Variants in FGF10 observed in about 807,000 individuals in gnomAD.
FGF10 encodes the protein FGF-10.
FGF10 carries 2 observed loss-of-function variants against 19.8 expected under a neutral mutation model. That is an observed-to-expected ratio of 0.10 (90% CI 0.04 to 0.32). FGF10 has a LOEUF of 0.32. Ranked by LOEUF, FGF10 falls within the 10% of genes least tolerant of loss-of-function variation. The pLI is 1.00. For missense variants in FGF10, 191 were observed against 246.3 expected (o/e 0.78, Z 1.50); for synonymous variants, 112 against 94.0 (o/e 1.19, Z -1.10).
chr5:44,374,588 C>T (rs1238848591), intron 1 of FGF10, among the ~76,000 whole-genome samples: 1 of 152,102 alleles, frequency 6.6e-6, no homozygotes, highest in Admixed American at 6.5e-5. Flanking sequence ...AAGTAAATGA[C>T]CTGCTTAAGA....
chr5:44,372,133 T>C (rs1254754710), intron 1 of FGF10, among the ~76,000 whole-genome samples: 1 of 152,156 alleles, frequency 6.6e-6, no homozygotes, highest in Non-Finnish European at 1.5e-5. Context: ...TTCCCTCGGC[T>C]GAAATTAAGG....
chr5:44,352,133 G>A (rs1167228440), intron 1 of FGF10, among the ~76,000 whole-genome samples: 1 of 151,580 alleles, frequency 6.6e-6, no homozygotes, highest in Non-Finnish European at 1.5e-5. Context: ...CTGCATGGGT[G>A]ACCATCATTC....
Position 44,389,012 on chromosome 5 carries a change from T to C in FGF10, c.-330A>G. ...TTCGCTCCCCCAGGAGTTACTTTGT[T>C]CTCTTCTTTACTCCTTTCTTCACCA... is the stretch of plus-strand genomic sequence containing the variant. On this transcript the variant is annotated 5_prime_UTR_variant, in exon 1 of 3. Coordinates refer to ENST00000264664, the MANE Select transcript of FGF10 (RefSeq NM_004465.2). 2.2e-6 allele frequency: 1 copy of C among 460,772 alleles called. No homozygotes were observed. The highest frequency in any genetic ancestry group is 4.0e-6 in the Non-Finnish European group (1 of 248,722). 28.5% of individuals were successfully genotyped at this position (460,772 alleles called of 1,614,324 possible).
chr5:44,319,034 G>T (rs59436891), intron 1 of FGF10, among the ~76,000 whole-genome samples: 18,300 of 152,104 alleles, frequency 0.12, 2,701 homozygotes, highest in African/African-American at 0.34. Context: ...AATCCAGAGA[G>T]ATTGAGGGAC....
intron 1 of FGF10, among the ~76,000 whole-genome samples, chr5:44,326,186 G>A (rs1338406789): frequency 6.6e-6 from 1 of 152,168 alleles, no homozygotes; most frequent in East Asian, 1.9e-4. Flanking sequence ...TTTTCCTTAT[G>A]TATAGATTAT....
rs991325913 is a variant in FGF10 at position 44,301,726 on chromosome 5, AT to A, written c.*3268del. The stretch of plus-strand genomic sequence containing the variant: ...GAGAAAACTTACAAATGTTTGAGTA[AT>A]TTTTTTTTCTGTTGTTGTTGTTTGG... On this transcript the variant is annotated 3_prime_UTR_variant, in exon 3 of 3. Transcript: ENST00000264664. 5.3e-5 allele frequency among the ~76,000 whole-genome samples: 8 copies of A among 151,780 alleles called. No individual in the cohort carries two copies. The highest frequency in any genetic ancestry group is 9.7e-5 in the African/African-American group (4 of 41,338).
At chr5:44,369,657 C>T (rs979747105) in intron 1 of FGF10, among the ~76,000 whole-genome samples, 1 of 152,102 alleles carries the variant, frequency 6.6e-6, no homozygotes, top group African/African-American at 2.4e-5. Flanking sequence ...CACACACGCA[C>T]TCAGACACTT....
chr5:44,324,349 T>C (rs2058598431), intron 1 of FGF10, among the ~76,000 whole-genome samples: 1 of 152,156 alleles, frequency 6.6e-6, no homozygotes, highest in Admixed American at 6.5e-5. Context: ...ACTTTCCTCG[T>C]CAAATTTTAT....
chr5:44,354,105 C>T (rs1374969), intron 1 of FGF10, among the ~76,000 whole-genome samples: 148,568 of 151,294 alleles, frequency 0.98, 73,014 homozygotes, highest in East Asian at 1. Flanking sequence ...CTTTGAATAT[C>T]AAAATGTTCC....
chr5:44,318,232 G>A (rs911439528), intron 1 of FGF10, among the ~76,000 whole-genome samples: 10 of 152,138 alleles, frequency 6.6e-5, no homozygotes, highest in African/African-American at 2.4e-4. Flanking sequence ...GAACGATTAC[G>A]TTAGAAAAGT....
intron 1 of FGF10, among the ~76,000 whole-genome samples, chr5:44,352,857 T>C (rs1741265678): frequency 6.6e-6 from 1 of 151,702 alleles, no homozygotes; most frequent in African/African-American, 2.4e-5. Flanking sequence ...AATTATAATA[T>C]GTCCTCAATA....
Position 44,301,314 on chromosome 5 carries a change from T to C in FGF10, c.*3681A>G, listed in dbSNP as rs1049779640. Among the ~76,000 whole-genome samples the C allele has an allele frequency of 1.3e-5, 2 of 152,168 alleles. No homozygotes were observed. Among genetic ancestry groups the C allele is most frequent in the Admixed American group, 1.3e-4 (2 of 15,244 alleles). ...GGACCAGCTGAACCCTTCAGTAATATGAAAAAGGTAAATTTTACTTCACTG... is the reference window on the plus strand; with the variant it reads ...GGACCAGCTGAACCCTTCAGTAATACGAAAAAGGTAAATTTTACTTCACTG... On this transcript the variant is annotated 3_prime_UTR_variant, in exon 3 of 3. Transcript: ENST00000264664.
chr5:44,360,684 T>C (rs755320496), intron 1 of FGF10, among the ~76,000 whole-genome samples: 4 of 151,660 alleles, frequency 2.6e-5, no homozygotes, highest in South Asian at 2.1e-4. Context: ...CTAAATTTAA[T>C]TGCAAGACTT....
At chr5:44,376,521 A>T (rs555560943) in intron 1 of FGF10, among the ~76,000 whole-genome samples, 2 of 147,248 alleles carry the variant, frequency 1.4e-5, no homozygotes, top group Non-Finnish European at 3.0e-5. Context: ...AAAAAAACAA[A>T]AAACCCACAA....
intron 1 of FGF10, among the ~76,000 whole-genome samples, chr5:44,385,092 G>A (rs1390390917): frequency 6.6e-6 from 1 of 152,036 alleles, no homozygotes; most frequent in African/African-American, 2.4e-5. Flanking sequence ...TGTAAAGAAT[G>A]ATAAAACAAA....
At chr5:44,380,104 G>T (rs969520) in intron 1 of FGF10, among the ~76,000 whole-genome samples, 31,861 of 152,050 alleles carry the variant, frequency 0.21, 3,404 homozygotes, top group Admixed American at 0.26. Flanking sequence ...GGTAATTACT[G>T]CTATGAATAC....
intron 1 of FGF10, among the ~76,000 whole-genome samples, chr5:44,311,242 T>C (rs1263509457): frequency 6.6e-6 from 1 of 152,124 alleles, no homozygotes; most frequent in East Asian, 1.9e-4. Flanking sequence ...AGAGCTCCTT[T>C]TCCCCTTATA....
intron 1 of FGF10, among the ~76,000 whole-genome samples, chr5:44,380,164 T>A (rs2111916258): frequency 6.6e-6 from 1 of 152,348 alleles, no homozygotes; most frequent in South Asian, 2.1e-4. Flanking sequence ...TAAATCAGTG[T>A]CCATATGTTA....
chr5:44,305,550 T>C (rs1202151048), intron 2 of FGF10, among the ~76,000 whole-genome samples: 2 of 152,106 alleles, frequency 1.3e-5, no homozygotes, highest in Admixed American at 6.6e-5. Context: ...AATAGTGTTA[T>C]AATGCTTCTT....
Sources: gnomAD v4.1 joint callset for allele counts (sites outside exome capture counted in the v4.1 genomes callset) on GRCh38, gnomAD v4.1.1 for gene constraint, MANE v1.5 for transcripts, NCBI Gene and HGNC (gene_info 2026-07-23, HGNC 2026-07-21) for gene names.